Variants in CLNS1A observed in about 807,000 individuals in gnomAD.
CLNS1A encodes the protein methylosome subunit pICln.
CLNS1A carries 16 observed loss-of-function variants against 29.4 expected under a neutral mutation model. The ratio of observed to expected loss-of-function variants is 0.54; its 90% CI spans 0.37 to 0.83. The LOEUF is 0.83. Ranked by LOEUF, CLNS1A falls within the 40% of genes least tolerant of loss-of-function variation. The pLI is 0.00. For missense variants in CLNS1A, 235 were observed against 287.4 expected (o/e 0.82, Z 1.32); for synonymous variants, 96 against 104.8 (o/e 0.92, Z 0.51).
chr11:77,622,384 C>T (rs1326583359), intron 5 of CLNS1A, 116 bp downstream of exon 5: 1 of 713,398 alleles, frequency 1.4e-6, no homozygotes, highest in Non-Finnish European at 2.3e-6. Flanking sequence ...GTATCTGCTT[C>T]CTATACTATA....
At position 77,627,266 on chromosome 11, in the gene CLNS1A, T is replaced by C. The variant is rs368132036; in HGVS notation, c.263-1448A>G. Reference sequence around the variant, plus strand: ...GGCCAACACAGTGAAACCCCAACTCTACTAAAATACAAAAAAAAAAAAATT... The same window carrying C: ...GGCCAACACAGTGAAACCCCAACTCCACTAAAATACAAAAAAAAAAAAATT... On this transcript the variant is annotated intron_variant, in intron 2 of 6. Transcript: ENST00000525428. Among the ~76,000 whole-genome samples, 833 of 149,522 alleles carry C rather than the reference T, an allele frequency of 5.6e-3. 14 individuals carry two copies. The highest frequency in any genetic ancestry group is 0.019 in the African/African-American group (785 of 40,708).
In CLNS1A at chr11:77,625,258, A is replaced by G. The variant is rs1959004627; in HGVS notation, c.365-188T>C. The G allele has an allele frequency of 1.2e-5, 7 of 571,734 alleles. No homozygotes were observed. In the South Asian group the frequency reaches 1.6e-4, roughly 13 times the overall value. The allele number at this position is 571,734 out of a possible 1,614,324, so 35.4% of individuals were successfully genotyped here. The stretch of plus-strand genomic sequence containing the variant: ...TAATAAGAGTTCATTATGAGAGATC[A>G]TTGCAATCTCTTCATGGCTCGTGGG... On this transcript the variant is annotated intron_variant, in intron 3 of 6. Transcript: ENST00000525428.
chr11:77,615,151 T>C lies in CLNS1A; in HGVS notation c.*1567A>G, dbSNP rs905222078. On this transcript the variant is annotated 3_prime_UTR_variant, in exon 7 of 7. Coordinates refer to ENST00000525428, the MANE Select transcript of CLNS1A (RefSeq NM_001293.3). ...TCATGGAAAGTCACAATTATAAATTTGTTCCTTTTAAAAGGAACTCAAATG... is the reference window on the plus strand; with the variant it reads ...TCATGGAAAGTCACAATTATAAATTCGTTCCTTTTAAAAGGAACTCAAATG... The C allele has an allele frequency of 6.6e-6, 1 of 152,228 alleles. No homozygotes were observed. Among genetic ancestry groups the C allele is most frequent in the African/African-American group, 2.4e-5 (1 of 41,452 alleles). The allele number at this position is 152,228 out of a possible 1,614,324, so 9.4% of individuals were successfully genotyped here.
chr11:77,620,502 G>A (rs1011178212), intron 5 of CLNS1A, among the ~76,000 whole-genome samples: 24 of 152,272 alleles, frequency 1.6e-4, no homozygotes, highest in African/African-American at 5.1e-4. Flanking sequence ...CAAGCCCCAC[G>A]GAAAGAGTTG....
chr11:77,628,460 T>G (rs1959043161), intron 2 of CLNS1A, among the ~76,000 whole-genome samples: 1 of 152,228 alleles, frequency 6.6e-6, no homozygotes, highest in Non-Finnish European at 1.5e-5. Flanking sequence ...CCTTTTACTT[T>G]TCCTCATCCT....
At chr11:77,625,859 TA>T (rs759625833) in intron 2 of CLNS1A, 41 bp from the exon 3 acceptor site, 10 of 1,423,084 alleles carry the variant, frequency 7.0e-6, no homozygotes, top group East Asian at 4.6e-5. Flanking sequence ...TATTTGACTT[TA>T]AAAAAATGAA....
intron 4 of CLNS1A, among the ~76,000 whole-genome samples, chr11:77,624,318 TAG>T (rs756672174): frequency 9.1e-4 from 139 of 152,190 alleles, no homozygotes; most frequent in Middle Eastern, 6.8e-3. Context: ...TCTCAAGGTG[TAG>T]AGAGAGAAGC....
At chr11:77,621,739 T>C (rs916915781) in intron 5 of CLNS1A, 1 of 286,344 alleles carries the variant, frequency 3.5e-6, no homozygotes, top group African/African-American at 2.2e-5. Flanking sequence ...TAGATGTTTC[T>C]GTGGAGGTTA....
rs779053169 is a variant in CLNS1A, at chr11:77,622,519, A to C, written c.627T>G (p.Asp209Glu). The stretch of plus-strand genomic sequence containing the variant: ...ACTCACCTTCATAATCTCTTATTGA[A>C]TCTTCTGTCCTGACCCCAGCCATAT... ...QYNMAGVRTE[D>E]SIRDYEDGME... Residue 209 changes from aspartate to glutamate, a missense_variant, in exon 5 of 7, where the codon GAT becomes GAG. Physicochemically the swap from Asp to Glu is conservative, Grantham distance 45. Transcript: ENST00000525428. The C allele has an allele frequency of 6.3e-7, 1 of 1,595,422 alleles. No individual in the cohort carries two copies. Among genetic ancestry groups the C allele is most frequent in the South Asian group, 1.1e-5 (1 of 87,130 alleles).
chr11:77,631,017 T>G (rs1242200501), intron 1 of CLNS1A, among the ~76,000 whole-genome samples: 2 of 152,252 alleles, frequency 1.3e-5, no homozygotes, highest in African/African-American at 4.8e-5. Flanking sequence ...GACCCCTGTA[T>G]CATTCTATAT....
intron 2 of CLNS1A, among the ~76,000 whole-genome samples, chr11:77,626,924 T>C (rs1366207369): frequency 1.4e-5 from 2 of 148,132 alleles, no homozygotes; most frequent in Admixed American, 6.7e-5. Flanking sequence ...CTTGATCTCC[T>C]GACCTCGTGA....
At chr11:77,618,516 AAT>A (rs1339833299) in intron 6 of CLNS1A, 1 of 152,256 alleles carries the variant, frequency 6.6e-6, no homozygotes, top group Admixed American at 6.5e-5. Context: ...TTTAAGGGAA[AAT>A]ATAAATCATA....
At chr11:77,631,508 G>A (rs1310451454) in intron 1 of CLNS1A, among the ~76,000 whole-genome samples, 4 of 151,516 alleles carry the variant, frequency 2.6e-5, no homozygotes, top group Admixed American at 6.6e-5. Flanking sequence ...TTTTAGAGAC[G>A]GGGTTTCACC....
At chr11:77,631,868 G>A (rs995913709) in intron 1 of CLNS1A, among the ~76,000 whole-genome samples, 34 of 152,120 alleles carry the variant, frequency 2.2e-4, no homozygotes, top group African/African-American at 8.2e-4. Flanking sequence ...CTCCCAAGTA[G>A]CTGGGATTAC....
intron 5 of CLNS1A, 153 bp downstream of exon 5, chr11:77,622,347 A>G (rs913275126): frequency 4.7e-6 from 3 of 641,292 alleles, no homozygotes; most frequent in East Asian, 5.6e-5. Flanking sequence ...AACAAATGAC[A>G]TAAGCATTCC....
chr11:77,626,651 T>A (rs1259000482), intron 2 of CLNS1A, among the ~76,000 whole-genome samples: 17 of 148,610 alleles, frequency 1.1e-4, no homozygotes, highest in South Asian at 2.1e-4. Flanking sequence ...AAAAAAAAAA[T>A]GCTGGGGTTA....
rs1163978162 is a variant in CLNS1A, at chr11:77,621,250, G to A, written c.646+1250C>T. On this transcript the variant is annotated intron_variant, in intron 5 of 6. Transcript: ENST00000525428. ...AGAGGTTGCAGTAAGCCGAGGTCACGTTATTGTACTCCGGCCTGGACGACA... is the reference window on the plus strand; with the variant it reads ...AGAGGTTGCAGTAAGCCGAGGTCACATTATTGTACTCCGGCCTGGACGACA... Among the ~76,000 whole-genome samples, 6 of 151,612 alleles carry A rather than the reference G, an allele frequency of 4.0e-5. No individual in the cohort carries two copies. In the East Asian group the frequency reaches 5.8e-4, roughly 15 times the overall value.
intron 4 of CLNS1A, 26 bp downstream of exon 4, chr11:77,624,937 C>A (rs2013296): frequency 0.74 from 1,090,654 of 1,481,004 alleles, 405,509 homozygotes; most frequent in African/African-American, 0.92. Flanking sequence ...AAACAAAAAA[C>A]CCACTTTAAA....
chr11:77,621,984 C>T (rs1199274990), intron 5 of CLNS1A: 1 of 456,244 alleles, frequency 2.2e-6, no homozygotes, highest in Non-Finnish European at 4.4e-6. Flanking sequence ...ACTTGCCAGC[C>T]TTCAGTCACG....
Sources: gnomAD v4.1 joint callset for allele counts (sites outside exome capture counted in the v4.1 genomes callset) on GRCh38, gnomAD v4.1.1 for gene constraint, MANE v1.5 for transcripts, NCBI Gene and HGNC (gene_info 2026-07-23, HGNC 2026-07-21) for gene names.